WDR41: variants seen among roughly 807,000 people sequenced by gnomAD.
The protein encoded by WDR41 is WD repeat-containing protein 41.
Under a neutral mutation model 69.3 loss-of-function variants are expected in WDR41, and 63 were observed. That is an observed-to-expected ratio of 0.91 (90% CI 0.74 to 1.12). The LOEUF (loss-of-function observed/expected upper bound fraction) is 1.12. Among genes scored for constraint, WDR41 ranks in the 50% most tolerant of loss-of-function variants. The pLI is 0.00. For missense variants in WDR41, 543 were observed against 534.5 expected, an observed-to-expected ratio of 1.02 and a Z score of -0.16; for synonymous variants, 185 against 192.1, an observed-to-expected ratio of 0.96 and a Z score of 0.31.
intron 1 of WDR41, 153 bp downstream of exon 1, chr5:77,492,017 C>A: frequency 2.0e-6 from 2 of 987,418 alleles, no homozygotes; most frequent in Non-Finnish European, 2.9e-6. Flanking sequence ...CCCTCCGCCC[C>A]CACCGTCGTG....
chr5:77,469,403 C>A (rs1800458460), intron 2 of WDR41, among the ~76,000 whole-genome samples: 2 of 152,132 alleles, frequency 1.3e-5, no homozygotes, highest in Admixed American at 1.3e-4. Flanking sequence ...ATTCTCACAG[C>A]CCAGATTTTG....
chr5:77,505,781 CG>C (rs1325024104), intron 1 of WDR41, among the ~76,000 whole-genome samples: 3 of 152,014 alleles, frequency 2.0e-5, no homozygotes, highest in African/African-American at 7.2e-5. Flanking sequence ...AAACAAGAAA[CG>C]GGGAAAGGAT....
intron 1 of WDR41, among the ~76,000 whole-genome samples, chr5:77,534,719 CCA>C (rs3058930): frequency 0.49 from 74,451 of 151,752 alleles, 19,540 homozygotes; most frequent in African/African-American, 0.69. Context: ...CAGGTGTGAG[CCA>C]CACTGACCTG....
chr5:77,559,874 G>A (rs1238210229), intron 1 of WDR41, among the ~76,000 whole-genome samples: 2 of 151,998 alleles, frequency 1.3e-5, no homozygotes, highest in Non-Finnish European at 2.9e-5. Flanking sequence ...AGATCAGAGA[G>A]AACAAAGCAA....
chr5:77,498,821 A>G (rs1424763916), intron 1 of WDR41, among the ~76,000 whole-genome samples: 1 of 151,180 alleles, frequency 6.6e-6, no homozygotes, highest in Non-Finnish European at 1.5e-5. Flanking sequence ...CCCATCAAAA[A>G]AAAAAAAAGA....
chr5:77,565,023 A>G lies in WDR41; in HGVS notation c.42+55456T>C, dbSNP rs74514452. On this transcript the variant is annotated intron_variant, in intron 1 of 5. Transcript: ENST00000509971. The stretch of plus-strand genomic sequence containing the variant: ...TGCCATGATTGTACTACAGGGCCTC[A>G]TGACCTCAAGCCTGGAATGAGGCAG... 9.1e-3 allele frequency among the ~76,000 whole-genome samples: 1,389 copies of G among 152,172 alleles called. 11 individuals are homozygous for G. The highest frequency in any genetic ancestry group is 0.017 in the Middle Eastern group (5 of 294).
chr5:77,579,687 T>C (rs1047083561), intron 1 of WDR41, among the ~76,000 whole-genome samples: 2 of 152,222 alleles, frequency 1.3e-5, no homozygotes, highest in Non-Finnish European at 2.9e-5. Flanking sequence ...TTCTACATGC[T>C]GAAAGCAAGT....
At chr5:77,473,985 C>A (rs1194103207) in intron 2 of WDR41, among the ~76,000 whole-genome samples, 1 of 152,144 alleles carries the variant, frequency 6.6e-6, no homozygotes, top group Non-Finnish European at 1.5e-5. Flanking sequence ...CACATGCACA[C>A]GTGTGTTTAT....
chr5:77,522,241 G>A (rs916524392), intron 1 of WDR41, among the ~76,000 whole-genome samples: 1 of 152,158 alleles, frequency 6.6e-6, no homozygotes, highest in Non-Finnish European at 1.5e-5. Flanking sequence ...ATGGAGTTGA[G>A]GAAAACAAGA....
rs1160655896 is a variant in WDR41, at chr5:77,463,190, G to C, written c.253C>G (p.Gln85Glu). Residue 85 changes from glutamine to glutamate, a missense_variant, in exon 4 of 13, where the codon CAA (glutamine) becomes GAA (glutamate). Physicochemically the swap from Gln to Glu is conservative, Grantham distance 29 (BLOSUM62 2). Coordinates refer to ENST00000296679, the MANE Select transcript of WDR41 (RefSeq NM_018268.4). Reference sequence around the variant, plus strand: ...AATGTAATAATAGCTGTTATCTTTTGAGTGTGTCCATTCAGTTCTAAAAGT... The same window carrying C: ...AATGTAATAATAGCTGTTATCTTTTCAGTGTGTCCATTCAGTTCTAAAAGT... ...EKLLELNGHT[Q>E]KITAIITFPS... 3.1e-6 allele frequency: 5 copies of C among 1,612,434 alleles called. No homozygotes were observed. The highest frequency in any genetic ancestry group is 1.7e-4 in the Middle Eastern group (1 of 6,052).
intron 1 of WDR41, among the ~76,000 whole-genome samples, chr5:77,576,525 G>A (rs1326376036): frequency 6.6e-6 from 1 of 152,036 alleles, no homozygotes; most frequent in East Asian, 1.9e-4. Flanking sequence ...TTAAACTCAG[G>A]TCTCTTACTC....
At chr5:77,441,739 AACACAC>A (rs112452862) in intron 8 of WDR41, among the ~76,000 whole-genome samples, 1 of 150,308 alleles carries the variant, frequency 6.7e-6, no homozygotes, top group East Asian at 2.0e-4. Context: ...CTCAGTCTAA[AACACAC>A]ACACACACAC....
chr5:77,491,049 C>T (rs1801755560), intron 1 of WDR41: 2 of 232,608 alleles, frequency 8.6e-6, no homozygotes, highest in Non-Finnish European at 1.8e-5. Context: ...ATCGCATCCC[C>T]GGTGACTTGC....
At chr5:77,488,121 A>G (rs1240909157) in intron 2 of WDR41, among the ~76,000 whole-genome samples, 3 of 152,248 alleles carry the variant, frequency 2.0e-5, no homozygotes, top group African/African-American at 7.2e-5. Context: ...AGGGAACAGC[A>G]GGAACTTGTA....
chr5:77,436,460 C>A, intron 11 of WDR41, 66 bp from the exon 12 acceptor site: 1 of 1,579,838 alleles, frequency 6.3e-7, no homozygotes, highest in Non-Finnish European at 8.6e-7. Flanking sequence ...ATCAGAAAAA[C>A]AAAATTTAAA....
intron 12 of WDR41, 73 bp downstream of exon 12, chr5:77,436,188 T>C: frequency 1.3e-6 from 2 of 1,556,238 alleles, no homozygotes; most frequent in Non-Finnish European, 1.7e-6. Flanking sequence ...CTTTATGAGA[T>C]CAACTGAAAG....
chr5:77,490,505 G>A (rs1204549049), intron 1 of WDR41, among the ~76,000 whole-genome samples: 1 of 152,000 alleles, frequency 6.6e-6, no homozygotes, highest in African/African-American at 2.4e-5. Flanking sequence ...CATAGGTTCC[G>A]ATAATGTACA....
At chr5:77,584,977 C>T (rs968219227) in intron 1 of WDR41, among the ~76,000 whole-genome samples, 3 of 151,942 alleles carry the variant, frequency 2.0e-5, no homozygotes, top group African/African-American at 7.2e-5. Flanking sequence ...ATAGCTGGGA[C>T]CTAATTAAAC....
At chr5:77,526,480 T>C (rs2112199791) in intron 1 of WDR41, among the ~76,000 whole-genome samples, 1 of 152,308 alleles carries the variant, frequency 6.6e-6, no homozygotes, top group Admixed American at 6.5e-5. Flanking sequence ...TAGTATTCTA[T>C]ATTTGGATTC....
Sources: allele counts gnomAD v4.1 joint callset (sites outside exome capture counted in the v4.1 genomes callset), GRCh38; gene constraint gnomAD v4.1.1; transcripts MANE v1.5; gene names NCBI Gene and HGNC (gene_info 2026-07-23, HGNC 2026-07-21).